The following SKAP1 variants were observed in gnomAD, a reference collection of about 807,000 sequenced individuals.
The protein encoded by SKAP1 is src kinase-associated phosphoprotein 1.
In SKAP1, 44 loss-of-function variants were observed where a neutral mutation model predicts 58.5. That is an observed-to-expected ratio of 0.75 (90% confidence interval 0.59 to 0.97). The LOEUF (loss-of-function observed/expected upper bound fraction) is 0.97. Among genes scored for constraint, SKAP1 ranks in the 50% least tolerant of loss-of-function variants. SKAP1 has a pLI of 0.00. For missense variants in SKAP1, 390 were observed against 435.2 expected (o/e 0.90, Z 0.92); for synonymous variants, 127 against 149.7 (o/e 0.85, Z 1.11).
At chr17:48,352,180 C>G (rs1729720520) in intron 3 of SKAP1, among the ~76,000 whole-genome samples, 1 of 151,302 alleles carries the variant, frequency 6.6e-6, no homozygotes. Flanking sequence ...AAAGGCATAA[C>G]TCCTGGATGT....
At chr17:48,149,668 A>G (rs1313494378) in intron 11 of SKAP1, among the ~76,000 whole-genome samples, 1 of 152,170 alleles carries the variant, frequency 6.6e-6, no homozygotes, top group East Asian at 1.9e-4. Context: ...GGTCGCCAGA[A>G]TAAATGAACG....
intron 4 of SKAP1, among the ~76,000 whole-genome samples, chr17:48,253,885 C>A (rs1381812101): frequency 6.6e-6 from 1 of 152,136 alleles, no homozygotes; most frequent in African/African-American, 2.4e-5. Flanking sequence ...AATATAACTG[C>A]TTTCTTATGA....
At chr17:48,159,976 CT>C (rs1489525806) in intron 11 of SKAP1, among the ~76,000 whole-genome samples, 3 of 152,054 alleles carry the variant, frequency 2.0e-5, no homozygotes, top group Non-Finnish European at 4.4e-5. Flanking sequence ...GCTGGTGTAG[CT>C]TTTTGGGAAA....
At chr17:48,371,131 A>T (rs985580830) in intron 2 of SKAP1, among the ~76,000 whole-genome samples, 3 of 152,150 alleles carry the variant, frequency 2.0e-5, no homozygotes, top group African/African-American at 7.2e-5. Context: ...ACTAATAGAG[A>T]TGGGGAAAGA....
chr17:48,268,063 T>G (rs2056433406), intron 4 of SKAP1, among the ~76,000 whole-genome samples: 1 of 152,016 alleles, frequency 6.6e-6, no homozygotes, highest in East Asian at 1.9e-4. Context: ...AAAATGAATC[T>G]CATCAAATCC....
At position 48,184,712 on chromosome 17, in the gene SKAP1, A is replaced by T. The variant is rs1336041664; in HGVS notation, c.567+11T>A. On this transcript the variant is annotated intron_variant, in intron 7 of 12. Transcript: ENST00000336915. Reference sequence around the variant, plus strand: ...ACCAAGAAGGATCACCATCTCCTTGATGCGTCCTACCTCATAGCTGCGCCT... The same window carrying T: ...ACCAAGAAGGATCACCATCTCCTTGTTGCGTCCTACCTCATAGCTGCGCCT... The T allele has an allele frequency of 2.5e-6, 4 of 1,613,996 alleles. No homozygotes were observed. The highest frequency in any genetic ancestry group is 3.4e-6 in the Non-Finnish European group (4 of 1,179,890).
In SKAP1 at chr17:48,190,132, A is replaced by G. The variant is rs543290503; in HGVS notation, c.281-632T>C. ...AGAATTTTTTTTTTTTTTTTGAGACAGTCTGTCTCTGTTGCCCAGGCTGGA... is the reference window on the plus strand; with the variant it reads ...AGAATTTTTTTTTTTTTTTTGAGACGGTCTGTCTCTGTTGCCCAGGCTGGA... On this transcript the variant is annotated intron_variant, in intron 4 of 12. Transcript: ENST00000336915. Among the ~76,000 whole-genome samples the G allele has an allele frequency of 3.0e-4, 44 of 147,524 alleles. No homozygotes were observed. The South Asian group carries it at 9.3e-3, about 31-fold the overall frequency.
chr17:48,355,208 G>C lies in SKAP1; in HGVS notation c.178+8581C>G, dbSNP rs1428817931. 2.6e-5 allele frequency among the ~76,000 whole-genome samples: 4 copies of C among 152,110 alleles called. No homozygotes were observed. The East Asian group carries it at 7.7e-4, about 29-fold the overall frequency. On this transcript the variant is annotated intron_variant, in intron 3 of 12. Coordinates refer to ENST00000336915, the MANE Select transcript of SKAP1 (RefSeq NM_003726.4). ...GTGAACTTCTAAAAAGACTAAGATGGGGTAAGAAAAGATATCATTATCAGT... is the reference window on the plus strand; with the variant it reads ...GTGAACTTCTAAAAAGACTAAGATGCGGTAAGAAAAGATATCATTATCAGT...
At chr17:48,241,173 A>C (rs1347353732) in intron 4 of SKAP1, among the ~76,000 whole-genome samples, 1 of 152,070 alleles carries the variant, frequency 6.6e-6, no homozygotes, top group Non-Finnish European at 1.5e-5. Context: ...TTACTTAGTC[A>C]TCACTAGCCT....
intron 11 of SKAP1, among the ~76,000 whole-genome samples, chr17:48,145,885 C>CA (rs1314396343): frequency 6.6e-6 from 1 of 152,040 alleles, no homozygotes; most frequent in Admixed American, 6.6e-5. Flanking sequence ...AAAAGGAACT[C>CA]ACCATCCTCC....
At chr17:48,304,531 C>T (rs935486293) in intron 4 of SKAP1, among the ~76,000 whole-genome samples, 1 of 152,164 alleles carries the variant, frequency 6.6e-6, no homozygotes, top group Admixed American at 6.5e-5. Flanking sequence ...AGCTAATGGG[C>T]TTCTGCTGTA....
At chr17:48,224,038 A>AAGAAGGAGG (rs2065036585) in intron 4 of SKAP1, among the ~76,000 whole-genome samples, 15 of 52,438 alleles carry the variant, frequency 2.9e-4, no homozygotes, top group African/African-American at 8.0e-4. Context: ...GAGAGAGAAG[A>AAGAAGGAGG]AGGAGGAGGA....
intron 10 of SKAP1, among the ~76,000 whole-genome samples, chr17:48,169,562 T>C (rs1656356531): frequency 6.6e-6 from 1 of 152,244 alleles, no homozygotes; most frequent in Admixed American, 6.5e-5. Flanking sequence ...ACTGCTTTCT[T>C]TCTCTCCTGC....
intron 4 of SKAP1, among the ~76,000 whole-genome samples, chr17:48,221,179 A>G (rs997873258): frequency 6.6e-6 from 1 of 151,926 alleles, no homozygotes; most frequent in African/African-American, 2.4e-5. Flanking sequence ...AGGCAGGAGA[A>G]GCGCTTGAAC....
At chr17:48,235,342 G>C (rs2065168546) in intron 4 of SKAP1, among the ~76,000 whole-genome samples, 1 of 152,088 alleles carries the variant, frequency 6.6e-6, no homozygotes, top group African/African-American at 2.4e-5. Flanking sequence ...GGAGCATTCA[G>C]CATCACCATG....
chr17:48,403,710 G>A (rs754584929), intron 1 of SKAP1, among the ~76,000 whole-genome samples: 1 of 152,122 alleles, frequency 6.6e-6, no homozygotes, highest in African/African-American at 2.4e-5. Context: ...TGGCCATATA[G>A]AAGGAGAAAA....
At chr17:48,365,432 C>G (rs1040579735) in intron 2 of SKAP1, among the ~76,000 whole-genome samples, 1 of 152,184 alleles carries the variant, frequency 6.6e-6, no homozygotes, top group African/African-American at 2.4e-5. Context: ...TTACATTATT[C>G]TTTATCAATT....
At chr17:48,162,689 G>C (rs2143289790) in intron 10 of SKAP1, 120 bp from the exon 11 acceptor site, 2 of 666,438 alleles carry the variant, frequency 3.0e-6, no homozygotes, top group Non-Finnish European at 5.2e-6. Context: ...TCAGATTAAG[G>C]GGAGTTGAGA....
intron 2 of SKAP1, among the ~76,000 whole-genome samples, chr17:48,392,198 A>G (rs138342231): frequency 9.8e-5 from 15 of 152,312 alleles, no homozygotes; most frequent in African/African-American, 3.1e-4. Context: ...GAAATTCCCA[A>G]AGAAAGTCAG....
Sources: allele counts gnomAD v4.1 joint callset (sites outside exome capture counted in the v4.1 genomes callset), GRCh38; gene constraint gnomAD v4.1.1; transcripts MANE v1.5; gene names NCBI Gene and HGNC (gene_info 2026-07-23, HGNC 2026-07-21).